RFX3: variants seen among roughly 807,000 people sequenced by gnomAD.
The protein encoded by RFX3 is regulatory factor X3.
A neutral mutation model predicts 98.6 loss-of-function variants in RFX3; 14 were observed. The ratio of observed to expected loss-of-function variants is 0.14; its 90% confidence interval spans 0.09 to 0.22. The LOEUF (loss-of-function observed/expected upper bound fraction) is 0.22. Ranked by LOEUF, RFX3 falls within the 10% of genes least tolerant of loss-of-function variation. The pLI is 1.00. For synonymous variants in RFX3, 383 were observed against 328.4 expected, an observed-to-expected ratio of 1.17 and a Z score of -1.80; for missense variants, 639 against 926.9, an observed-to-expected ratio of 0.69 and a Z score of 4.03.
intron 1 of RFX3, among the ~76,000 whole-genome samples, chr9:3,454,366 A>G (rs1351033475): frequency 6.6e-6 from 1 of 152,208 alleles, no homozygotes; most frequent in East Asian, 1.9e-4. Context: ...CTACCTTACC[A>G]AAAGATATAT....
At chr9:3,334,720 T>C (rs964574473) in intron 3 of RFX3, among the ~76,000 whole-genome samples, 1 of 152,170 alleles carries the variant, frequency 6.6e-6, no homozygotes, top group Non-Finnish European at 1.5e-5. Flanking sequence ...TATTAAGGAA[T>C]GAAGTGTGAT....
chr9:3,372,190 C>G (rs1162387013), intron 2 of RFX3, among the ~76,000 whole-genome samples: 3 of 152,154 alleles, frequency 2.0e-5, no homozygotes, highest in African/African-American at 7.2e-5. Context: ...AGGAAATTAA[C>G]CACCCCTGTA....
intron 6 of RFX3, among the ~76,000 whole-genome samples, chr9:3,292,061 C>CAAAAAAAAAAAAAAA (rs58788880): frequency 2.9e-4 from 7 of 23,946 alleles, no homozygotes; most frequent in East Asian, 1.2e-3. Flanking sequence ...GACTCCATCT[C>CAAAAAAAAAAAAAAA]AAAAAAAAAA....
chr9:3,327,137 T>C (rs1455857993), intron 4 of RFX3, among the ~76,000 whole-genome samples: 1 of 152,028 alleles, frequency 6.6e-6, no homozygotes, highest in African/African-American at 2.4e-5. Context: ...TCTCTGATTC[T>C]ACAGTAAAAG....
In RFX3 at chr9:3,400,305, G is replaced by A. The variant is rs1026733381; in HGVS notation, c.-8-4709C>T. On this transcript the variant is annotated intron_variant, in intron 1 of 16. Transcript: ENST00000617270. ...GGAGGAATCTTATAGAATAGAGTAG[G>A]GGAAATAAGATAGGTAAAAAACAAT... 2.5e-5 allele frequency: 14 copies of A among 550,472 alleles called. No homozygotes were observed. The East Asian group carries it at 1.8e-3, about 69-fold the overall frequency. 34.1% of individuals were successfully genotyped at this position (550,472 alleles called of 1,614,324 possible).
intron 1 of RFX3, among the ~76,000 whole-genome samples, chr9:3,454,160 A>G (rs1372658418): frequency 6.6e-6 from 1 of 152,226 alleles, no homozygotes; most frequent in African/African-American, 2.4e-5. Context: ...GTAGCTAAAC[A>G]GTATATTTTA....
chr9:3,394,708 A>T, intron 2 of RFX3: 1 of 455,404 alleles, frequency 2.2e-6, no homozygotes, highest in Non-Finnish European at 2.9e-6. Context: ...TCTCTTTAAT[A>T]CTAAGAAATT....
chr9:3,370,694 A>T (rs1373825163), intron 2 of RFX3, among the ~76,000 whole-genome samples: 2 of 152,296 alleles, frequency 1.3e-5, no homozygotes, highest in Non-Finnish European at 2.9e-5. Context: ...CTGTAAATAA[A>T]TTATAGCTCA....
At chr9:3,284,967 T>A (rs1356150341) in intron 7 of RFX3, among the ~76,000 whole-genome samples, 1 of 151,748 alleles carries the variant, frequency 6.6e-6, no homozygotes. Context: ...TACCACCCCA[T>A]CAAACCTTCA....
At chr9:3,304,709 G>A (rs1829074623) in intron 4 of RFX3, among the ~76,000 whole-genome samples, 1 of 151,982 alleles carries the variant, frequency 6.6e-6, no homozygotes, top group Admixed American at 6.6e-5. Flanking sequence ...CATGTAAGAT[G>A]AGTCTTTTGC....
intron 1 of RFX3, among the ~76,000 whole-genome samples, chr9:3,475,692 G>A (rs539040237): frequency 6.6e-6 from 1 of 152,222 alleles, no homozygotes; most frequent in African/African-American, 2.4e-5. Context: ...GCAGAGCCAG[G>A]TGTACAGGAT....
chr9:3,244,288 G>A (rs1198896310), intron 15 of RFX3, among the ~76,000 whole-genome samples: 1 of 152,128 alleles, frequency 6.6e-6, no homozygotes, highest in Non-Finnish European at 1.5e-5. Context: ...TTACAGGTGT[G>A]AGCCACCAAG....
intron 2 of RFX3, among the ~76,000 whole-genome samples, chr9:3,394,320 A>T (rs1029436935): frequency 1.3e-5 from 2 of 152,064 alleles, no homozygotes; most frequent in Non-Finnish European, 2.9e-5. Context: ...AAAATTAGCC[A>T]GGCGTGGTGG....
intron 15 of RFX3, among the ~76,000 whole-genome samples, chr9:3,245,241 T>C (rs1166044409): frequency 1.3e-5 from 2 of 152,150 alleles, no homozygotes; most frequent in Admixed American, 6.5e-5. Flanking sequence ...TTTTACAACA[T>C]GAAGTAGGAG....
At chr9:3,367,394 A>T (rs770500192) in intron 2 of RFX3, among the ~76,000 whole-genome samples, 1 of 152,164 alleles carries the variant, frequency 6.6e-6, no homozygotes, top group Non-Finnish European at 1.5e-5. Context: ...CTTGGAATGG[A>T]TCCTTCCCCA....
intron 1 of RFX3, among the ~76,000 whole-genome samples, chr9:3,513,546 G>C (rs1207438133): frequency 6.6e-6 from 1 of 152,096 alleles, no homozygotes; most frequent in East Asian, 1.9e-4. Context: ...ATGTACATTT[G>C]GGAAATTCCA....
intron 1 of RFX3, among the ~76,000 whole-genome samples, chr9:3,504,857 GA>G (rs1816640141): frequency 3.9e-5 from 1 of 25,784 alleles, no homozygotes. Context: ...TATTATATAT[GA>G]TATAATATAT....
intron 4 of RFX3, among the ~76,000 whole-genome samples, chr9:3,326,673 T>C (rs1015385383): frequency 6.6e-6 from 1 of 152,198 alleles, no homozygotes; most frequent in South Asian, 2.1e-4. Context: ...TCTCGTTCTT[T>C]GTTACGGGTG....
chr9:3,504,182 CATATTATATATTATATATATTATAT>C (rs1816395231), intron 1 of RFX3, among the ~76,000 whole-genome samples: 1 of 85,278 alleles, frequency 1.2e-5, no homozygotes, highest in African/African-American at 1.1e-4. Flanking sequence ...ATATATTATA[CATATTATATATTATATATATTATAT>C]ATATTATATA....
Sources: allele counts gnomAD v4.1 joint callset (sites outside exome capture counted in the v4.1 genomes callset), GRCh38; gene constraint gnomAD v4.1.1; transcripts MANE v1.5; gene names NCBI Gene and HGNC (gene_info 2026-07-23, HGNC 2026-07-21).